The following CARMIL1 variants were observed in gnomAD, a reference collection of about 807,000 sequenced individuals.
The protein encoded by CARMIL1 is F-actin-uncapping protein LRRC16A.
A neutral mutation model predicts 177.1 loss-of-function variants in CARMIL1; 90 were observed. The observed-to-expected ratio is 0.51, with a 90% CI of 0.43 to 0.61. The LOEUF is 0.61. CARMIL1 is among the 20% of genes least tolerant of loss of function. CARMIL1 has a pLI of 0.00. For missense variants in CARMIL1, 1,380 were observed against 1,667.0 expected, an observed-to-expected ratio of 0.83 and a Z score of 3.00; for synonymous variants, 577 against 606.2, an observed-to-expected ratio of 0.95 and a Z score of 0.71.
chr6:25,451,212 G>T (rs13203740), intron 8 of CARMIL1, among the ~76,000 whole-genome samples: 2 of 152,008 alleles, frequency 1.3e-5, no homozygotes, highest in African/African-American at 4.8e-5. Flanking sequence ...AAAATCCAGA[G>T]TTCGTAGTTA....
Position 25,509,481 on chromosome 6 carries a change from G to A in CARMIL1, c.1396-175G>A, listed in dbSNP as rs1163931301. On this transcript the variant is annotated intron_variant, in intron 17 of 36. Transcript: ENST00000329474. This position sits in a 1 kb window ranked among gnomAD's most constrained non-coding sequence, Gnocchi z 4.1. ...CATGGCATAGGAAACAGCAGCAATG[G>A]CTAGTGATAGGCTCTTTACCCACTG... Among the ~76,000 whole-genome samples, 2 of 152,160 alleles carry A rather than the reference G, an allele frequency of 1.3e-5. No individual in the cohort carries two copies. The highest frequency in any genetic ancestry group is 2.9e-5 in the Non-Finnish European group (2 of 68,000).
At chr6:25,343,863 A>G (rs1205291231) in intron 2 of CARMIL1, among the ~76,000 whole-genome samples, 3 of 151,850 alleles carry the variant, frequency 2.0e-5, no homozygotes, top group Non-Finnish European at 4.4e-5. Context: ...CCCGTACACC[A>G]TGGGTAGAGC....
At chr6:25,551,145 G>C in intron 27 of CARMIL1, 60 bp downstream of exon 27, 1 of 1,360,344 alleles carries the variant, frequency 7.4e-7, no homozygotes, top group Non-Finnish European at 1.0e-6. Context: ...AGTCGAGGCA[G>C]CTGTAAAGAG....
At chr6:25,315,788 A>G (rs528539825) in intron 2 of CARMIL1, among the ~76,000 whole-genome samples, 157 of 152,316 alleles carry the variant, frequency 1.0e-3, no homozygotes, top group Middle Eastern at 6.8e-3. Flanking sequence ...AACCAGATAC[A>G]GCAGAATTAA....
Position 25,356,030 on chromosome 6 carries a change from C to T in CARMIL1, c.139-64084C>T, listed in dbSNP as rs1005410467. On this transcript the variant is annotated intron_variant, in intron 2 of 36. Transcript: ENST00000329474. ...CAAGAAAGAGGTTTCTTTGGCTGGA[C>T]TTTCCTCCTTCTAAGACTTCTTTTT... Among the ~76,000 whole-genome samples the T allele has an allele frequency of 6.0e-5, 9 of 150,070 alleles. No individual in the cohort carries two copies. The South Asian group carries it at 1.5e-3, about 25-fold the overall frequency.
At chr6:25,524,714 G>A (rs191760206) in intron 23 of CARMIL1, among the ~76,000 whole-genome samples, 4 of 152,236 alleles carry the variant, frequency 2.6e-5, no homozygotes, top group African/African-American at 7.2e-5. Context: ...AGTTGTTAAG[G>A]GCTCTAGTGG....
chr6:25,279,787 A>C lies in CARMIL1; in HGVS notation c.-9A>C. Reference sequence around the variant, plus strand: ...GACCTGCAATAACCCCCACACCTACAGGGCAACCATGACCGAGGAGAGCTC... The same window carrying C: ...GACCTGCAATAACCCCCACACCTACCGGGCAACCATGACCGAGGAGAGCTC... On this transcript the variant is annotated 5_prime_UTR_variant, in exon 1 of 37. Coordinates refer to ENST00000329474, the MANE Select transcript of CARMIL1 (RefSeq NM_017640.6). The C allele has an allele frequency of 8.7e-6, 14 of 1,613,954 alleles. No homozygotes were observed. Among genetic ancestry groups the C allele is most frequent in the Non-Finnish European group, 1.2e-5 (14 of 1,179,840 alleles).
chr6:25,327,627 A>G (rs1785249350), intron 2 of CARMIL1, among the ~76,000 whole-genome samples: 1 of 152,234 alleles, frequency 6.6e-6, no homozygotes, highest in Non-Finnish European at 1.5e-5. Flanking sequence ...GGAGTAGCAT[A>G]TGGGCTTCAA....
chr6:25,462,673 G>A (rs1018822273), intron 8 of CARMIL1, among the ~76,000 whole-genome samples: 7 of 152,104 alleles, frequency 4.6e-5, no homozygotes, highest in East Asian at 3.8e-4. Context: ...CTTTTAAGCC[G>A]GTGAGCCATT....
At position 25,594,416 on chromosome 6, in the gene CARMIL1, T is replaced by G; in HGVS notation, c.3008T>G (p.Val1003Gly). 3 of 1,598,630 alleles carry G rather than the reference T, an allele frequency of 1.9e-6. No individual in the cohort carries two copies. Among genetic ancestry groups the G allele is most frequent in the Non-Finnish European group, 2.6e-6 (3 of 1,168,620 alleles). The part of the protein sequence containing the change: ...NKKQQPTQAA[V>G]CAANIVSQDG... ...ACATTACATCTGTTTGTTTTGCAGG[T>G]CTGTGCTGCCAACATAGTCTCACAA... is the stretch of plus-strand genomic sequence containing the variant. The change falls in exon 32 of 37, where the codon GTC becomes GGC. Residue 1003 changes from valine to glycine, a missense_variant and splice_region_variant. Physicochemically the swap from Val to Gly is moderately radical, Grantham distance 109. Transcript: ENST00000329474.
intron 9 of CARMIL1, among the ~76,000 whole-genome samples, chr6:25,467,575 A>C (rs1800729204): frequency 6.6e-6 from 1 of 152,182 alleles, no homozygotes; most frequent in Non-Finnish European, 1.5e-5. Flanking sequence ...CCATTCTGTC[A>C]TTATTCCTCC....
At chr6:25,517,054 T>C (rs1806072947) in intron 21 of CARMIL1, among the ~76,000 whole-genome samples, 1 of 152,238 alleles carries the variant, frequency 6.6e-6, no homozygotes, top group African/African-American at 2.4e-5. Context: ...TATCAGAATT[T>C]AGAGTTTTCT....
intron 2 of CARMIL1, among the ~76,000 whole-genome samples, chr6:25,349,611 C>T (rs1307706596): frequency 6.6e-6 from 1 of 152,198 alleles, no homozygotes; most frequent in Non-Finnish European, 1.5e-5. Context: ...GTAGTTCCCA[C>T]TGCCTGAGGC....
chr6:25,290,505 C>T (rs1408622671), intron 2 of CARMIL1, among the ~76,000 whole-genome samples: 5 of 150,864 alleles, frequency 3.3e-5, no homozygotes, highest in Non-Finnish European at 7.4e-5. Context: ...TGGCACTCCT[C>T]TCTCCAGGAT....
intron 2 of CARMIL1, among the ~76,000 whole-genome samples, chr6:25,302,792 T>C (rs1162632229): frequency 6.6e-6 from 1 of 152,174 alleles, no homozygotes; most frequent in Non-Finnish European, 1.5e-5. Flanking sequence ...TCTACTTTGG[T>C]CAGGATGATT....
At chr6:25,497,295 T>C (rs1233794842) in intron 16 of CARMIL1, among the ~76,000 whole-genome samples, 1 of 152,208 alleles carries the variant, frequency 6.6e-6, no homozygotes, top group East Asian at 1.9e-4. Flanking sequence ...TCACCTTTAA[T>C]GTGGATGACA....
chr6:25,453,256 AAAAC>A (rs1220457493), intron 8 of CARMIL1, among the ~76,000 whole-genome samples: 3 of 152,102 alleles, frequency 2.0e-5, no homozygotes, highest in South Asian at 2.1e-4. Context: ...TGGAAAAAAA[AAAAC>A]AAACATATTA....
intron 1 of CARMIL1, among the ~76,000 whole-genome samples, chr6:25,282,759 G>A (rs1781238622): frequency 6.6e-6 from 1 of 152,068 alleles, no homozygotes; most frequent in Non-Finnish European, 1.5e-5. Context: ...ATGCCTTCAA[G>A]ATTCAGCTCA....
chr6:25,512,380 A>G (rs366056), intron 20 of CARMIL1, among the ~76,000 whole-genome samples: 66,333 of 151,940 alleles, frequency 0.44, 14,876 homozygotes, highest in Middle Eastern at 0.51. Flanking sequence ...AATGCTGTAC[A>G]ATGAAAAGCT....
Sources: gnomAD v4.1 joint callset for allele counts (sites outside exome capture counted in the v4.1 genomes callset) on GRCh38, gnomAD v4.1.1 for gene constraint, Gnocchi (gnomAD v3.1) non-coding constraint, MANE v1.5 for transcripts, NCBI Gene and HGNC (gene_info 2026-07-23, HGNC 2026-07-21) for gene names.